FRMPD4: variants seen among roughly 807,000 people sequenced by gnomAD.
FRMPD4 encodes FERM and PDZ domain containing 4.
Under a neutral mutation model 94.1 loss-of-function variants are expected in FRMPD4, and 22 were observed. That is an observed-to-expected ratio of 0.23 (90% CI 0.17 to 0.33). The LOEUF is 0.33. Ranked by LOEUF, FRMPD4 falls within the 10% of genes least tolerant of loss-of-function variation. The probability of loss-of-function intolerance (pLI) is 1.00; values close to 1 mark genes in which losing one functional copy is unlikely to be tolerated. For synonymous variants in FRMPD4, 631 were observed against 548.6 expected, an observed-to-expected ratio of 1.15 and a Z score of -2.10; for missense variants, 1,111 against 1,339.9, an observed-to-expected ratio of 0.83 and a Z score of 2.67.
chrX:12,365,557 G>A (rs2056062244), intron 1 of FRMPD4, among the ~76,000 whole-genome samples: 1 of 111,513 alleles, frequency 9.0e-6, no homozygotes, highest in East Asian at 2.8e-4. Flanking sequence ...ACCAAGTGCT[G>A]GGGCCTTCCC....
At chrX:12,195,855 C>T (rs1388202962) in intron 1 of FRMPD4, among the ~76,000 whole-genome samples, 1 of 111,505 alleles carries the variant, frequency 9.0e-6, no homozygotes, top group Non-Finnish European at 1.9e-5. Flanking sequence ...AAATGTATAT[C>T]TGCTTCTGGC....
intron 3 of FRMPD4, among the ~76,000 whole-genome samples, chrX:11,949,786 T>C (rs990410660): frequency 9.0e-6 from 1 of 111,593 alleles, no homozygotes; most frequent in African/African-American, 3.3e-5. Context: ...GCTCCTCTAC[T>C]TGCCAGTGAG....
intron 1 of FRMPD4, among the ~76,000 whole-genome samples, chrX:12,343,542 A>T (rs140362253): frequency 9.0e-6 from 1 of 111,562 alleles, no homozygotes; most frequent in East Asian, 2.8e-4. Flanking sequence ...AAATGAAGAG[A>T]AGAGAGCTGA....
chrX:12,540,914 T>G (rs1403482584), intron 2 of FRMPD4, among the ~76,000 whole-genome samples: 1 of 111,937 alleles, frequency 8.9e-6, no homozygotes, highest in Middle Eastern at 4.2e-3. Flanking sequence ...GCAATCAAAC[T>G]AGACCTCAGG....
At chrX:12,636,642 T>C (rs1324379313) in intron 4 of FRMPD4, among the ~76,000 whole-genome samples, 1 of 112,536 alleles carries the variant, frequency 8.9e-6, no homozygotes, top group Non-Finnish European at 1.9e-5. Context: ...ACAGTTTATA[T>C]GAAAGACAAC....
intron 4 of FRMPD4, among the ~76,000 whole-genome samples, chrX:12,640,735 C>T (rs1022894675): frequency 2.7e-5 from 3 of 112,045 alleles, no homozygotes; most frequent in Non-Finnish European, 5.6e-5. Flanking sequence ...TACTTACAAG[C>T]TTCAATACTT....
chrX:12,311,315 A>G (rs2055027449), intron 1 of FRMPD4, among the ~76,000 whole-genome samples: 1 of 112,387 alleles, frequency 8.9e-6, no homozygotes, highest in Non-Finnish European at 1.9e-5. Context: ...AAGTTAATCA[A>G]TATTTTTATC....
At position 12,716,778 on chromosome X, in the gene FRMPD4, G is replaced by A; in HGVS notation, c.2319G>A (p.Leu773=). ...GEMNQPAILN[L]SGSSDDIIDL... is the part of the protein sequence containing the mutation. The stretch of plus-strand genomic sequence containing the variant: ...TGAACCAGCCGGCCATCCTCAACCT[G>A]TCTGGGTCAAGCGATGACATCATTG... The change falls in exon 15 of 17, where the codon CTG becomes CTA. Residue 773 remains leucine, a synonymous_variant. Transcript: ENST00000675598. The A allele has an allele frequency of 8.3e-7, 1 of 1,211,361 alleles. No individual in the cohort carries two copies. Among genetic ancestry groups the A allele is most frequent in the Non-Finnish European group, 1.1e-6 (1 of 894,992 alleles).
intron 1 of FRMPD4, among the ~76,000 whole-genome samples, chrX:12,242,242 A>G (rs2053887221): frequency 9.0e-6 from 1 of 111,599 alleles, no homozygotes; most frequent in South Asian, 3.8e-4. Flanking sequence ...ATGACTATGC[A>G]TTTCTATTAG....
chrX:12,683,238 G>A (rs1033863000), intron 5 of FRMPD4, among the ~76,000 whole-genome samples: 2 of 112,047 alleles, frequency 1.8e-5, no homozygotes, highest in African/African-American at 3.2e-5. Context: ...CCCTGGAAAT[G>A]TGCTCAGTTA....
chrX:12,276,472 C>T (rs778760857), intron 1 of FRMPD4, among the ~76,000 whole-genome samples: 25 of 112,167 alleles, frequency 2.2e-4, no homozygotes, highest in Middle Eastern at 4.6e-3. Context: ...AAAGATTTTC[C>T]GATTGGCAAT....
chrX:12,386,142 C>G (rs2056394619), intron 1 of FRMPD4, among the ~76,000 whole-genome samples: 2 of 112,261 alleles, frequency 1.8e-5, no homozygotes, highest in Admixed American at 1.9e-4. Flanking sequence ...GAAACAAATC[C>G]CAGCCCTTCA....
intron 3 of FRMPD4, among the ~76,000 whole-genome samples, chrX:12,063,727 T>C (rs760006976): frequency 8.9e-6 from 1 of 112,521 alleles, no homozygotes; most frequent in Non-Finnish European, 1.9e-5. Context: ...CACTCCAACC[T>C]GGGTGACAGA....
Position 12,248,452 on chromosome X carries a change from T to G in FRMPD4, c.41+109440T>G, listed in dbSNP as rs370912961. Reference sequence around the variant, plus strand: ...GTAGTCCTTGTAGAGTCCAAGCAACTAACATGCTAATTGATTTCTTAGTTT... The same window carrying G: ...GTAGTCCTTGTAGAGTCCAAGCAACGAACATGCTAATTGATTTCTTAGTTT... On this transcript the variant is annotated intron_variant, in intron 1 of 16. Coordinates refer to ENST00000675598, the MANE Select transcript of FRMPD4 (RefSeq NM_001368397.1). Among the ~76,000 whole-genome samples, 7 of 112,493 alleles carry G rather than the reference T, an allele frequency of 6.2e-5. No homozygotes were observed. The South Asian group carries it at 1.1e-3, about 18-fold the overall frequency.
chrX:12,464,668 G>A (rs1334206637), intron 1 of FRMPD4, among the ~76,000 whole-genome samples: 1 of 111,922 alleles, frequency 8.9e-6, no homozygotes, highest in African/African-American at 3.2e-5. Flanking sequence ...ATACATGACG[G>A]CAAGGGCAAG....
At chrX:12,105,186 T>A (rs747678043) in intron 3 of FRMPD4, among the ~76,000 whole-genome samples, 1 of 112,013 alleles carries the variant, frequency 8.9e-6, no homozygotes, top group South Asian at 3.8e-4. Flanking sequence ...TGAGTTTTTG[T>A]CTCCACTTTC....
chrX:12,349,204 G>C (rs2055762734), intron 1 of FRMPD4, among the ~76,000 whole-genome samples: 1 of 111,547 alleles, frequency 9.0e-6, no homozygotes, highest in Admixed American at 9.5e-5. Flanking sequence ...AGCAGTGGGT[G>C]GCAGTCAGCT....
chrX:12,070,109 A>G (rs1166819943), intron 3 of FRMPD4, among the ~76,000 whole-genome samples: 3 of 110,399 alleles, frequency 2.7e-5, no homozygotes, highest in Non-Finnish European at 5.7e-5. Context: ...GCAGCTAGCA[A>G]TGATCACATA....
At chrX:12,100,650 A>G in intron 3 of FRMPD4, among the ~76,000 whole-genome samples, 1 of 112,295 alleles carries the variant, frequency 8.9e-6, no homozygotes, top group East Asian at 2.8e-4. Flanking sequence ...TGTTTATATT[A>G]ATTTGTTGCT....
Sources: allele counts gnomAD v4.1 joint callset (sites outside exome capture counted in the v4.1 genomes callset), GRCh38; gene constraint gnomAD v4.1.1; transcripts MANE v1.5; gene names NCBI Gene and HGNC (gene_info 2026-07-23, HGNC 2026-07-21).